The following TEX11 variants were observed in gnomAD, a reference collection of about 807,000 sequenced individuals.
TEX11 encodes the protein testis-expressed protein 11.
TEX11 carries 7 observed loss-of-function variants against 84.4 expected under a neutral mutation model. That is an observed-to-expected ratio of 0.08 (90% CI 0.05 to 0.16). The LOEUF is 0.16. TEX11 is among the 10% of genes least tolerant of loss of function. The probability of loss-of-function intolerance (pLI) is 1.00; values close to 1 mark genes in which losing one functional copy is unlikely to be tolerated. For synonymous variants in TEX11, 264 were observed against 222.8 expected, an observed-to-expected ratio of 1.18 and a Z score of -1.64; for missense variants, 551 against 660.5, an observed-to-expected ratio of 0.83 and a Z score of 1.82.
At chrX:70,570,670 A>AATAGTCTAAAT (rs2088582582) in intron 25 of TEX11, among the ~76,000 whole-genome samples, 1 of 111,668 alleles carries the variant, frequency 9.0e-6, no homozygotes, top group Non-Finnish European at 1.9e-5. Context: ...GACTATTTAA[A>AATAGTCTAAAT]ATAGTCTAAA....
chrX:70,780,349 C>T (rs891403153), intron 9 of TEX11, among the ~76,000 whole-genome samples: 43 of 112,567 alleles, frequency 3.8e-4, no homozygotes, highest in Non-Finnish European at 3.2e-4. Flanking sequence ...TCAAAGATGG[C>T]CAAATAGGAA....
chrX:70,789,846 C>T (rs192199092), intron 9 of TEX11, among the ~76,000 whole-genome samples: 9 of 112,189 alleles, frequency 8.0e-5, no homozygotes, highest in African/African-American at 9.7e-5. Flanking sequence ...TTCACTGCAA[C>T]GCTACTCACA....
intron 11 of TEX11, among the ~76,000 whole-genome samples, chrX:70,729,882 G>A (rs1185656548): frequency 2.7e-5 from 3 of 111,917 alleles, no homozygotes; most frequent in Non-Finnish European, 5.6e-5. Context: ...TTGAAATGAA[G>A]GAAAAAATGT....
At chrX:70,813,233 C>T (rs1473308262) in intron 8 of TEX11, among the ~76,000 whole-genome samples, 1 of 111,748 alleles carries the variant, frequency 8.9e-6, no homozygotes, top group Non-Finnish European at 1.9e-5. Context: ...AGCAGCACAT[C>T]CAAAAGCTTA....
At chrX:70,735,240 T>TG in intron 11 of TEX11, among the ~76,000 whole-genome samples, 1 of 110,891 alleles carries the variant, frequency 9.0e-6, no homozygotes. Context: ...TTAGTAGAGA[T>TG]GGGGTTTCAC....
chrX:70,670,918 T>C (rs2090016648), intron 15 of TEX11, among the ~76,000 whole-genome samples: 1 of 112,299 alleles, frequency 8.9e-6, no homozygotes, highest in African/African-American at 3.2e-5. Flanking sequence ...TATTCTTTTG[T>C]ATATTTACCT....
chrX:70,807,671 T>G (rs963455294), intron 8 of TEX11, among the ~76,000 whole-genome samples: 8 of 111,857 alleles, frequency 7.2e-5, no homozygotes, highest in Non-Finnish European at 1.5e-4. Flanking sequence ...ATCCAAGATC[T>G]GAAGCAAGTT....
intron 17 of TEX11, among the ~76,000 whole-genome samples, chrX:70,647,705 T>C (rs1488893270): frequency 1.8e-5 from 2 of 110,410 alleles, no homozygotes; most frequent in Non-Finnish European, 3.8e-5. Flanking sequence ...AGGTAATGTA[T>C]ATGTTAATTA....
At chrX:70,818,312 A>AG (rs2091300599) in intron 8 of TEX11, among the ~76,000 whole-genome samples, 2 of 35,585 alleles carry the variant, frequency 5.6e-5, no homozygotes, top group South Asian at 2.0e-3. Flanking sequence ...GAAAAAAAGA[A>AG]AAAGAAGAAG....
intron 17 of TEX11, among the ~76,000 whole-genome samples, chrX:70,644,883 T>C (rs1249077824): frequency 2.8e-4 from 29 of 103,807 alleles, no homozygotes; most frequent in Admixed American, 2.4e-3. Context: ...GTAACTAACC[T>C]GCACAATGTG....
intron 28 of TEX11, among the ~76,000 whole-genome samples, chrX:70,534,370 A>G (rs770051926): frequency 1.8e-5 from 2 of 111,475 alleles, no homozygotes; most frequent in South Asian, 7.6e-4. Context: ...TGACTCCTAG[A>G]TGTCTGGCTT....
Position 70,694,852 on chromosome X carries a change from G to A in TEX11, c.1005-12027C>T, listed in dbSNP as rs183731778. Among the ~76,000 whole-genome samples, 39 of 111,358 alleles carry A rather than the reference G, an allele frequency of 3.5e-4. 1 individual carries two copies. The highest frequency in any genetic ancestry group is 3.4e-3 in the Admixed American group (35 of 10,439). On this transcript the variant is annotated intron_variant, in intron 13 of 29. Coordinates refer to ENST00000374333, the MANE Select transcript of TEX11 (RefSeq NM_031276.3). ...AAGGGGAAGCGGATAGGAGCAAAGA[G>A]GCAAAACCCAAGTGATATCCTGGCT... is the stretch of plus-strand genomic sequence containing the variant.
chrX:70,731,008 A>G (rs1603239952), intron 11 of TEX11, among the ~76,000 whole-genome samples: 1 of 111,893 alleles, frequency 8.9e-6, no homozygotes, highest in Non-Finnish European at 1.9e-5. Flanking sequence ...CTCACTCAAA[A>G]CCGCTCAACT....
chrX:70,850,807 C>T (rs137936837), intron 7 of TEX11, among the ~76,000 whole-genome samples: 6,382 of 108,961 alleles, frequency 0.059, 149 homozygotes, highest in East Asian at 0.12. Flanking sequence ...TGGTGGCTCA[C>T]GCCTGTAATC....
intron 13 of TEX11, among the ~76,000 whole-genome samples, chrX:70,707,330 A>T (rs1341296218): frequency 9.2e-6 from 1 of 108,953 alleles, no homozygotes; most frequent in Non-Finnish European, 1.9e-5. Context: ...AGACTTGTAA[A>T]TTCTTTGCAA....
chrX:70,838,430 A>C lies in TEX11; in HGVS notation c.526-4837T>G, dbSNP rs188022019. 3.6e-3 allele frequency among the ~76,000 whole-genome samples: 405 copies of C among 112,048 alleles called. 2 individuals carry two copies. The highest frequency in any genetic ancestry group is 9.3e-3 in the African/African-American group (288 of 30,893). ...GGAGCAAGACTTGGTCTCAGAACAA[A>C]TAAAATAAAATAAAATCACATTTGT... On this transcript the variant is annotated intron_variant, in intron 7 of 29. Transcript: ENST00000374333.
rs778205744 is a variant in TEX11 at position 70,853,037 on chromosome X, C to T, written c.522G>A (p.Glu174=). The T allele has an allele frequency of 5.0e-6, 6 of 1,207,346 alleles. No homozygotes were observed. Among genetic ancestry groups the T allele is most frequent in the Non-Finnish European group, 5.6e-6 (5 of 894,173 alleles). ...CCCTGGTGCCCACGATACCTACTGACTCTGCTTGGTAAGAAAGCACTCTGA... is the reference window on the plus strand; with the variant it reads ...CCCTGGTGCCCACGATACCTACTGATTCTGCTTGGTAAGAAAGCACTCTGA... ...DHFRVLSYQA[E]SAVAQGDFQR... is the part of the protein sequence containing the mutation. Residue 174 remains glutamate (E), a synonymous_variant, in exon 7 of 30, where the codon GAG becomes GAA. Coordinates refer to ENST00000374333, the MANE Select transcript of TEX11 (RefSeq NM_031276.3).
At chrX:70,571,095 T>C (rs2088590440) in intron 25 of TEX11, among the ~76,000 whole-genome samples, 1 of 111,497 alleles carries the variant, frequency 9.0e-6, no homozygotes, top group Non-Finnish European at 1.9e-5. Flanking sequence ...CTTGGCTCAC[T>C]GCAACCTCTA....
chrX:70,730,176 A>C (rs1338567941), intron 11 of TEX11, among the ~76,000 whole-genome samples: 1 of 112,140 alleles, frequency 8.9e-6, no homozygotes, highest in Admixed American at 9.5e-5. Context: ...CATGGAAAGG[A>C]ACAACCGGTA....
Sources: gnomAD v4.1 joint callset for allele counts (sites outside exome capture counted in the v4.1 genomes callset) on GRCh38, gnomAD v4.1.1 for gene constraint, MANE v1.5 for transcripts, NCBI Gene and HGNC (gene_info 2026-07-23, HGNC 2026-07-21) for gene names.